Variants in ACACA observed in about 807,000 individuals in gnomAD.
ACACA encodes the protein acetyl-CoA carboxylase alpha, also known as acetyl-CoA carboxylase 1.
ACACA carries 103 observed loss-of-function variants against 296.1 expected under a neutral mutation model. The ratio of observed to expected loss-of-function variants is 0.35; its 90% CI spans 0.30 to 0.41. The LOEUF (loss-of-function observed/expected upper bound fraction) is 0.41. Among genes scored for constraint, ACACA ranks in the 10% least tolerant of loss-of-function variants. The pLI is 1.00. For missense variants in ACACA, 1,554 were observed against 2,989.7 expected (o/e 0.52, Z 11.20); for synonymous variants, 953 against 1,038.6 (o/e 0.92, Z 1.58).
chr17:37,223,619 A>G lies in ACACA; in HGVS notation c.3475-18T>C. 6.5e-7 allele frequency: 1 copy of G among 1,535,438 alleles called. No individual in the cohort carries two copies. The highest frequency in any genetic ancestry group is 9.0e-7 in the Non-Finnish European group (1 of 1,108,616). On this transcript the variant is annotated intron_variant, in intron 27 of 55. Transcript: ENST00000616317. ...ATGAGTTTCTAGAAGATACAAAGAC[A>G]GGCTTAAGCCTTACATCAAAAGGAG...
rs1315823258 is a variant in ACACA, at chr17:37,268,723, ATCTATCTATCTATCTATC to A, written c.1119+2010_1119+2027del. 2.9e-4 allele frequency among the ~76,000 whole-genome samples: 31 copies of A among 108,022 alleles called. 1 individual carries two copies. The highest frequency in any genetic ancestry group is 2.5e-3 in the East Asian group (6 of 2,406). 70.9% of individuals were successfully genotyped at this position (108,022 alleles called of 152,430 possible). On this transcript the variant is annotated intron_variant, in intron 10 of 55. Coordinates refer to ENST00000616317, the MANE Select transcript of ACACA (RefSeq NM_198834.3). Reference sequence around the variant, plus strand: ...AATATATCTATATCTATATCTATCTATCTATCTATCTATCTATCTATATATATATATATATATATATAT... The same window carrying A: ...AATATATCTATATCTATATCTATCTATATATATATATATATATATATATAT...
In ACACA at chr17:37,097,222, T is replaced by C; in HGVS notation, c.6721-56A>G. On this transcript the variant is annotated intron_variant, in intron 53 of 55. Coordinates refer to ENST00000616317, the MANE Select transcript of ACACA (RefSeq NM_198834.3). The surrounding 1 kb of genome is among the most constrained non-coding windows in gnomAD (Gnocchi z 4.8). ...GTCCTAATTCCTGCTTAATGCTCAG[T>C]CTGGAGGGAAACCCACAGGCATAAA... The C allele has an allele frequency of 6.3e-7, 1 of 1,589,372 alleles. No individual in the cohort carries two copies. Among genetic ancestry groups the C allele is most frequent in the East Asian group, 2.2e-5 (1 of 44,644 alleles).
intron 1 of ACACA, among the ~76,000 whole-genome samples, chr17:37,405,510 A>T (rs552642433): frequency 6.6e-6 from 1 of 152,298 alleles, no homozygotes; most frequent in East Asian, 1.9e-4. Flanking sequence ...ACATACCAAA[A>T]TGTTAATTAT....
chr17:37,284,058 T>G (rs1043690604), intron 4 of ACACA, among the ~76,000 whole-genome samples: 3 of 152,188 alleles, frequency 2.0e-5, no homozygotes, highest in Non-Finnish European at 4.4e-5. Flanking sequence ...AATAAAAGGA[T>G]GCTGATGAAG....
chr17:37,258,037 T>C (rs1013675575), intron 13 of ACACA, among the ~76,000 whole-genome samples, 171 bp from the exon 14 acceptor site: 3 of 152,182 alleles, frequency 2.0e-5, no homozygotes, highest in African/African-American at 7.2e-5. Flanking sequence ...TACAGTGACT[T>C]AAGTGGGATT....
intron 1 of ACACA, among the ~76,000 whole-genome samples, chr17:37,384,753 T>G (rs2050453905): frequency 6.6e-6 from 1 of 152,240 alleles, no homozygotes; most frequent in African/African-American, 2.4e-5. Flanking sequence ...GCCAACACTG[T>G]CTTCCTGATT....
At chr17:37,401,795 A>G (rs2051301716) in intron 1 of ACACA, among the ~76,000 whole-genome samples, 1 of 152,104 alleles carries the variant, frequency 6.6e-6, no homozygotes, top group Non-Finnish European at 1.5e-5. Flanking sequence ...CCTGAGCCCA[A>G]GCAATCTTCC....
At chr17:37,129,524 C>T (rs368333736) in intron 46 of ACACA, 39 bp from the exon 47 acceptor site, 33 of 1,612,506 alleles carry the variant, frequency 2.0e-5, no homozygotes, top group African/African-American at 1.7e-4. Context: ...AATCAGTGAA[C>T]GACAGCCCTA....
chr17:37,128,724 A>C (rs954284111), intron 47 of ACACA, among the ~76,000 whole-genome samples: 1 of 152,254 alleles, frequency 6.6e-6, no homozygotes, highest in Non-Finnish European at 1.5e-5. Flanking sequence ...ACAAAGCAGT[A>C]GATTAGATAT....
intron 1 of ACACA, among the ~76,000 whole-genome samples, chr17:37,349,557 A>G (rs1286083813): frequency 7.0e-6 from 1 of 141,906 alleles, no homozygotes; most frequent in South Asian, 2.3e-4. Flanking sequence ...GTATATATAT[A>G]TAGCTTTTTT....
At chr17:37,247,849 C>G in intron 18 of ACACA, 162 bp downstream of exon 18, 1 of 769,936 alleles carries the variant, frequency 1.3e-6, no homozygotes, top group Non-Finnish European at 2.1e-6. Flanking sequence ...ATTATAAACA[C>G]TTTAATACTC....
intron 31 of ACACA, among the ~76,000 whole-genome samples, chr17:37,207,145 T>C (rs2078540656): frequency 6.6e-6 from 1 of 152,264 alleles, no homozygotes; most frequent in Non-Finnish European, 1.5e-5. Flanking sequence ...TGTTTTGTTT[T>C]CCTCATATGT....
In ACACA at chr17:37,361,016, A is replaced by G. The variant is rs138787858; in HGVS notation, c.39-21166T>C. Among the ~76,000 whole-genome samples the G allele has an allele frequency of 9.9e-5, 15 of 151,746 alleles. No individual in the cohort carries two copies. The East Asian group carries it at 2.9e-3, about 29-fold the overall frequency. On this transcript the variant is annotated intron_variant, in intron 1 of 55. Transcript: ENST00000616317. ...TTACCTTTCCTAGATCCTCTTAAGT[A>G]ATAGGAATTCTTTCCCCAGGATTCT...
chr17:37,091,749 T>A (rs1242680248), intron 54 of ACACA, among the ~76,000 whole-genome samples: 5 of 151,848 alleles, frequency 3.3e-5, no homozygotes, highest in Non-Finnish European at 7.4e-5. Flanking sequence ...CTGGCAAAAC[T>A]TTTTTTGGTA....
intron 48 of ACACA, among the ~76,000 whole-genome samples, chr17:37,124,335 G>A (rs77570226): frequency 0.016 from 2,363 of 152,286 alleles, 63 homozygotes; most frequent in African/African-American, 0.052. Flanking sequence ...GATCTTGGTC[G>A]CAAAGCAATC....
chr17:37,299,884 G>A (rs17138804), intron 3 of ACACA: 2 of 783,220 alleles, frequency 2.6e-6, no homozygotes, highest in South Asian at 1.2e-4. Context: ...GGTCTAAAGA[G>A]GTAATTTCTG....
intron 41 of ACACA, among the ~76,000 whole-genome samples, chr17:37,163,984 T>A (rs919825719): frequency 3.9e-5 from 6 of 152,224 alleles, no homozygotes; most frequent in Admixed American, 6.5e-5. Context: ...TAGTTACAGC[T>A]GTAGTTTTTC....
At chr17:37,324,797 T>C (rs2047524753) in intron 3 of ACACA, among the ~76,000 whole-genome samples, 1 of 137,422 alleles carries the variant, frequency 7.3e-6, no homozygotes, top group African/African-American at 2.8e-5. Flanking sequence ...ATCGCACCAT[T>C]GCACTCCAGC....
Position 37,260,279 on chromosome 17 carries a change from TATATA to T in ACACA, c.1330-754_1330-750del, listed in dbSNP as rs1567899229. Among the ~76,000 whole-genome samples the T allele has an allele frequency of 2.4e-3, 83 of 34,226 alleles. 3 individuals carry two copies. Among genetic ancestry groups the T allele is most frequent in the African/African-American group, 9.9e-3 (56 of 5,676 alleles). The allele number at this position is 34,226 out of a possible 152,430, so 22.5% of individuals were successfully genotyped here. ...ATATATATATATATATATATATATA[TATATA>T]TATATATATATATTTTTTTTTTTTT... On this transcript the variant is annotated intron_variant, in intron 11 of 55. Coordinates refer to ENST00000616317, the MANE Select transcript of ACACA (RefSeq NM_198834.3).
Sources: gnomAD v4.1 joint callset for allele counts (sites outside exome capture counted in the v4.1 genomes callset) on GRCh38, gnomAD v4.1.1 for gene constraint, Gnocchi (gnomAD v3.1) non-coding constraint, MANE v1.5 for transcripts, NCBI Gene and HGNC (gene_info 2026-07-23, HGNC 2026-07-21) for gene names.